Variants in AFMID observed in about 807,000 individuals in gnomAD.
AFMID encodes arylformamidase.
In AFMID, 39 loss-of-function variants were observed where a neutral mutation model predicts 47.5. That is an observed-to-expected ratio of 0.82 (90% confidence interval 0.64 to 1.07). The LOEUF (loss-of-function observed/expected upper bound fraction) is 1.07, where lower values mean the gene tolerates loss of function less well. AFMID is among the 50% of genes least tolerant of loss of function. The pLI, the probability that AFMID is intolerant of heterozygous loss-of-function variation, is 0.00. For synonymous variants in AFMID, 130 were observed against 153.2 expected (o/e 0.85, Z 1.12); for missense variants, 375 against 387.5 (o/e 0.97, Z 0.27).
At chr17:78,205,362 C>T (rs1024297822) in intron 7 of AFMID, 78 bp from the exon 8 acceptor site, 44 of 1,542,020 alleles carry the variant, frequency 2.9e-5, no homozygotes, top group Non-Finnish European at 3.9e-5. Flanking sequence ...TGGTCCTGCC[C>T]CTCTGGCGGT....
intron 2 of AFMID, chr17:78,192,569 C>G: frequency 2.1e-6 from 1 of 466,532 alleles, no homozygotes; most frequent in Non-Finnish European, 4.4e-6. Context: ...CTGCCTCGGC[C>G]TCCCAAAGTG....
intron 2 of AFMID, chr17:78,192,868 C>A: frequency 3.7e-6 from 1 of 269,848 alleles, no homozygotes; most frequent in Non-Finnish European, 7.6e-6. Flanking sequence ...GATGCCTGGG[C>A]TCCTGGGCTT....
At chr17:78,202,465 T>C (rs1324710527) in intron 2 of AFMID, 34 bp from the exon 3 acceptor site, 16 of 1,600,896 alleles carry the variant, frequency 1.0e-5, no homozygotes, top group Non-Finnish European at 1.4e-5. Context: ...CACCTGAGCT[T>C]GTGCTGACAG....
chr17:78,206,883 G>C, intron 10 of AFMID, 28 bp from the exon 11 acceptor site: 1 of 1,613,206 alleles, frequency 6.2e-7, no homozygotes, highest in Non-Finnish European at 8.5e-7. Context: ...TGATTCTGGG[G>C]CTTTTGTGTC....
At chr17:78,200,046 T>TAAAAAAAAA (rs917290831) in intron 2 of AFMID, among the ~76,000 whole-genome samples, 1 of 135,270 alleles carries the variant, frequency 7.4e-6, no homozygotes, top group Non-Finnish European at 1.6e-5. Flanking sequence ...CACAACGACA[T>TAAAAAAAAA]AAAAAAAAAA....
chr17:78,191,092 G>A (rs1306287876), intron 2 of AFMID, 32 bp downstream of exon 2: 2 of 1,583,678 alleles, frequency 1.3e-6, no homozygotes, highest in Non-Finnish European at 1.7e-6. Context: ...GGCCGCATTG[G>A]GTGTCCTTAA....
In AFMID at chr17:78,205,474, G is replaced by A. The variant is rs1201022760; in HGVS notation, c.600G>A (p.Glu200=). The change falls in exon 8 of 11, where the codon GAG becomes GAA. Residue 200 remains glutamate (E), a synonymous_variant. Transcript: ENST00000409257. ...TGGTGAGTGGGGTCTTTGACCTGGA[G>A]CCCATCGTGTATACTTCACAGAACG... is the stretch of plus-strand genomic sequence containing the variant. ...FFLVSGVFDL[E]PIVYTSQNVA... is the part of the protein sequence containing the mutation. 4 of 1,614,070 alleles carry A rather than the reference G, an allele frequency of 2.5e-6. No homozygotes were observed. Among genetic ancestry groups the A allele is most frequent in the Non-Finnish European group, 2.5e-6 (3 of 1,180,038 alleles).
At chr17:78,202,863 G>T in intron 4 of AFMID, 112 bp downstream of exon 4, 1 of 1,302,890 alleles carries the variant, frequency 7.7e-7, no homozygotes. Flanking sequence ...ACTCCTTGCA[G>T]GGCTGTGTCT....
At position 78,207,056 on chromosome 17, in the gene AFMID, G is replaced by A. The variant is rs567020005; in HGVS notation, c.*119G>A. ...CCCCAGCACCCAGGAGAGCCTTGCT[G>A]TGTCTGTCTGCCCGGCAAGAGTCCA... is the stretch of plus-strand genomic sequence containing the variant. On this transcript the variant is annotated 3_prime_UTR_variant, in exon 11 of 11. Coordinates refer to ENST00000409257, the MANE Select transcript of AFMID (RefSeq NM_001010982.5). 78 of 1,083,842 alleles carry A rather than the reference G, an allele frequency of 7.2e-5. No individual in the cohort carries two copies. In the African/African-American group the frequency reaches 1.1e-3, roughly 16 times the overall value. The allele number at this position is 1,083,842 out of a possible 1,614,324, so 67.1% of individuals were successfully genotyped here. A position where few individuals can be genotyped will look rare whatever the true frequency, so the allele number is the denominator to read the frequency against.
chr17:78,198,094 T>G (rs990938726), intron 2 of AFMID, among the ~76,000 whole-genome samples: 1 of 152,196 alleles, frequency 6.6e-6, no homozygotes, highest in Non-Finnish European at 1.5e-5. Flanking sequence ...CCAGGCGTGG[T>G]GGCACACGCC....
Position 78,201,306 on chromosome 17 carries a change from AC to A in AFMID, c.155-1192del, listed in dbSNP as rs1383174483. Among the ~76,000 whole-genome samples the A allele has an allele frequency of 9.3e-5, 14 of 151,240 alleles. No homozygotes were observed. In the East Asian group the frequency reaches 1.6e-3, roughly 17 times the overall value. On this transcript the variant is annotated intron_variant, in intron 2 of 10. Coordinates refer to ENST00000409257, the MANE Select transcript of AFMID (RefSeq NM_001010982.5). ...AAGACTCCGTCGCAAAAAAAAAAAA[AC>A]GATGAATGCTAGGATAAAAAATAAA...
At position 78,191,056 on chromosome 17, in the gene AFMID, T is replaced by G. The variant is rs1439998838; in HGVS notation, c.150T>G (p.Ile50Met). ...TGAGGACCTACTCACAGATAGGAAT[T>G]GAAGGTACTAGTGTGACCTCTCCGT... Reference protein sequence around the residue: ...EALRTYSQIGIEATTRARATR... With the variant: ...EALRTYSQIGMEATTRARATR... The change falls in exon 2 of 11, where the codon ATT (isoleucine) becomes ATG (methionine). Residue 50 changes from isoleucine (I) to methionine (M), a missense_variant. By Grantham distance (10) the Ile-to-Met change is conservative. Coordinates refer to ENST00000409257, the MANE Select transcript of AFMID (RefSeq NM_001010982.5). 2 of 1,613,738 alleles carry G rather than the reference T, an allele frequency of 1.2e-6. No homozygotes were observed. Among genetic ancestry groups the G allele is most frequent in the East Asian group, 4.5e-5 (2 of 44,880 alleles).
chr17:78,204,549 G>T, intron 4 of AFMID, 107 bp from the exon 5 acceptor site: 1 of 1,033,898 alleles, frequency 9.7e-7, no homozygotes, highest in Non-Finnish European at 1.5e-6. Context: ...CCAGAAAGGG[G>T]TGATGCTGTG....
chr17:78,200,712 G>C lies in AFMID; in HGVS notation c.155-1787G>C, dbSNP rs953733643. On this transcript the variant is annotated intron_variant, in intron 2 of 10. Transcript: ENST00000409257. Reference sequence around the variant, plus strand: ...AAAGAGGCATTGGCAGAGTGTGGCAGTGTCCACACCTTAATTTCAGACTTC... The same window carrying C: ...AAAGAGGCATTGGCAGAGTGTGGCACTGTCCACACCTTAATTTCAGACTTC... Among the ~76,000 whole-genome samples, 3 of 152,204 alleles carry C rather than the reference G, an allele frequency of 2.0e-5. No homozygotes were observed. The South Asian group carries it at 6.2e-4, about 32-fold the overall frequency.
intron 4 of AFMID, 172 bp downstream of exon 4, chr17:78,202,923 A>G: frequency 2.5e-6 from 2 of 801,402 alleles, no homozygotes; most frequent in Non-Finnish European, 4.0e-6. Context: ...CAGGGTTCCT[A>G]GGGAGGGTCC....
intron 4 of AFMID, chr17:78,203,257 T>C (rs8067081): frequency 0.69 from 105,131 of 153,458 alleles, 36,695 homozygotes; most frequent in African/African-American, 0.82. Flanking sequence ...GACAGGGTTT[T>C]ACCATGTTGG....
chr17:78,195,967 A>T (rs1029017276), intron 2 of AFMID, among the ~76,000 whole-genome samples: 6 of 151,910 alleles, frequency 3.9e-5, no homozygotes, highest in Non-Finnish European at 8.8e-5. Flanking sequence ...TGCCTCAGCC[A>T]CCCAAGTAGC....
chr17:78,200,622 G>C (rs866113475), intron 2 of AFMID, among the ~76,000 whole-genome samples: 3 of 152,202 alleles, frequency 2.0e-5, no homozygotes, highest in South Asian at 4.1e-4. Context: ...AAGAGGCAGA[G>C]GTGACTGGAG....
intron 2 of AFMID, among the ~76,000 whole-genome samples, chr17:78,192,974 G>T (rs73377451): frequency 2.6e-4 from 39 of 152,250 alleles, no homozygotes; most frequent in African/African-American, 8.2e-4. Context: ...AATAGATTGG[G>T]GGGGAGCTGT....
Sources: allele counts gnomAD v4.1 joint callset (sites outside exome capture counted in the v4.1 genomes callset), GRCh38; gene constraint gnomAD v4.1.1; transcripts MANE v1.5; gene names NCBI Gene and HGNC (gene_info 2026-07-23, HGNC 2026-07-21).